NAV1: variants seen among roughly 807,000 people sequenced by gnomAD.
NAV1 encodes neuron navigator 1.
In NAV1, 18 loss-of-function variants were observed where a neutral mutation model predicts 175.2. That is an observed-to-expected ratio of 0.10 (90% CI 0.07 to 0.15). The LOEUF is 0.15. Among genes scored for constraint, NAV1 ranks in the 10% least tolerant of loss-of-function variants. The probability of loss-of-function intolerance (pLI) is 1.00; values close to 1 mark genes in which losing one functional copy is unlikely to be tolerated. For synonymous variants in NAV1, 897 were observed against 978.7 expected (o/e 0.92, Z 1.56); for missense variants, 1,731 against 2,436.6 (o/e 0.71, Z 6.10).
intron 15 of NAV1, among the ~76,000 whole-genome samples, chr1:201,803,215 C>T (rs1364234891): frequency 6.6e-6 from 1 of 152,092 alleles, no homozygotes; most frequent in East Asian, 1.9e-4. Context: ...AGTTCTTGGC[C>T]TTGGACCACC....
intron 3 of NAV1, among the ~76,000 whole-genome samples, chr1:201,763,182 A>G (rs181772932): frequency 9.8e-5 from 15 of 152,326 alleles, no homozygotes; most frequent in Admixed American, 4.6e-4. Flanking sequence ...CTTGATGTTC[A>G]AACTTTCTAA....
intron 1 of NAV1, among the ~76,000 whole-genome samples, chr1:201,689,871 C>A (rs1670833461): frequency 1.3e-5 from 2 of 152,234 alleles, no homozygotes; most frequent in African/African-American, 4.8e-5. Flanking sequence ...TGTCTATTTC[C>A]TCCATGGCCT....
Position 201,812,535 on chromosome 1 carries a change from G to A in NAV1, c.5095G>A (p.Val1699Ile). 9.9e-6 allele frequency: 16 copies of A among 1,614,190 alleles called. No homozygotes were observed. Among genetic ancestry groups the A allele is most frequent in the Non-Finnish European group, 1.3e-5 (15 of 1,180,032 alleles). ...GGTTCGTTACCTGAGGAGGAAGCTG[G>A]TAGAGTCAGACAGCGACATCAATGC... Residue 1699 changes from valine to isoleucine, a missense_variant, in exon 27 of 30, where the codon GTA (valine) becomes ATA (isoleucine). This residue lies in a region of NAV1 where 115 missense variants were observed against 269.4 expected (regional missense o/e 0.43). Coordinates refer to ENST00000367296, the Ensembl canonical transcript of NAV1. The surrounding 1 kb of genome is among the most constrained non-coding windows in gnomAD (Gnocchi z 4.6).
At chr1:201,794,339 AC>A (rs200164772) in intron 14 of NAV1, 126 bp from the exon 19 acceptor site, 22,617 of 800,072 alleles carry the variant, frequency 0.028, 641 homozygotes, top group South Asian at 0.093. Flanking sequence ...TTTAATGGAG[AC>A]CAGGTGGCCA....
chr1:201,655,396 T>C (rs557638873), intron 1 of NAV1, among the ~76,000 whole-genome samples: 2 of 152,330 alleles, frequency 1.3e-5, no homozygotes, highest in South Asian at 4.1e-4. Flanking sequence ...ATTACCCAGA[T>C]GTGTTTGATG....
chr1:201,549,983 C>A (rs1291104389), intron 1 of NAV1, among the ~76,000 whole-genome samples: 6 of 134,108 alleles, frequency 4.5e-5, no homozygotes, highest in Admixed American at 2.4e-4. Flanking sequence ...TGCACTCCAG[C>A]CTAGGCGACA....
intron 1 of NAV1, among the ~76,000 whole-genome samples, chr1:201,544,768 C>T (rs1291427472): frequency 6.6e-6 from 1 of 152,192 alleles, no homozygotes; most frequent in East Asian, 1.9e-4. Context: ...GAGTGTCAGC[C>T]TTTCAATATT....
At chr1:201,722,884 T>C (rs1218025159) in intron 3 of NAV1, among the ~76,000 whole-genome samples, 1 of 152,232 alleles carries the variant, frequency 6.6e-6, no homozygotes, top group Non-Finnish European at 1.5e-5. Context: ...GTTGGGTAGA[T>C]CACTTGAGGT....
At chr1:201,717,824 T>C (rs953432148) in intron 2 of NAV1, among the ~76,000 whole-genome samples, 1 of 152,224 alleles carries the variant, frequency 6.6e-6, no homozygotes, top group Non-Finnish European at 1.5e-5. Context: ...ATATATGATG[T>C]TTGGGAATCA....
intron 3 of NAV1, among the ~76,000 whole-genome samples, chr1:201,725,735 C>T (rs886227115): frequency 1.4e-4 from 21 of 151,744 alleles, no homozygotes; most frequent in African/African-American, 4.8e-4. Flanking sequence ...GAGAGAGGAT[C>T]GCTTGAGACC....
In NAV1 at chr1:201,819,970, G is replaced by A. The variant is rs541486381; in HGVS notation, c.*38G>A. ...CACTGTCACCCCCGGACAGCAGAAC[G>A]CTGGCATCAGCTATCTTAGCTCCTC... On this transcript the variant is annotated 3_prime_UTR_variant, in exon 30 of 30. Coordinates refer to ENST00000367296, the Ensembl canonical transcript of NAV1. 8.4e-5 allele frequency: 133 copies of A among 1,577,426 alleles called. No homozygotes were observed. In the South Asian group the frequency reaches 1.1e-3, roughly 14 times the overall value.
intron 3 of NAV1, among the ~76,000 whole-genome samples, chr1:201,726,522 C>A (rs1027613998): frequency 1.3e-5 from 2 of 151,894 alleles, no homozygotes; most frequent in African/African-American, 4.8e-5. Context: ...GTGGTGCACA[C>A]CTGTAATCCC....
chr1:201,735,246 G>C (rs537586881), intron 3 of NAV1, among the ~76,000 whole-genome samples: 7 of 152,338 alleles, frequency 4.6e-5, no homozygotes, highest in African/African-American at 1.4e-4. Context: ...CCTGCCCCAG[G>C]AATCAAGACA....
At chr1:201,692,776 G>GA (rs886976923) in intron 1 of NAV1, among the ~76,000 whole-genome samples, 2 of 152,268 alleles carry the variant, frequency 1.3e-5, no homozygotes, top group African/African-American at 4.8e-5. Context: ...AGAGAAGAAT[G>GA]AAAAGCATGG....
intron 2 of NAV1, among the ~76,000 whole-genome samples, chr1:201,597,576 C>T (rs757814296): frequency 7.9e-5 from 12 of 152,340 alleles, no homozygotes; most frequent in African/African-American, 1.7e-4. Context: ...CGTGCTCCAC[C>T]GGGCTGAGGG....
intron 3 of NAV1, among the ~76,000 whole-genome samples, chr1:201,737,133 C>T (rs1174811603): frequency 6.6e-6 from 1 of 152,184 alleles, no homozygotes. Flanking sequence ...TCACAAAAAA[C>T]TCCCAGACAA....
chr1:201,591,634 T>C (rs640668), intron 2 of NAV1, among the ~76,000 whole-genome samples: 14,868 of 152,234 alleles, frequency 0.098, 956 homozygotes, highest in African/African-American at 0.17. Context: ...GCTGGCTCTC[T>C]GGGTAGGAGA....
At chr1:201,712,957 T>C (rs1420472786) in intron 2 of NAV1, 38 bp downstream of exon 6, 2 of 1,475,900 alleles carry the variant, frequency 1.4e-6, no homozygotes, top group Non-Finnish European at 1.9e-6. Context: ...GCCCTCTGCC[T>C]TCCTGGCTCT....
At position 201,793,776 on chromosome 1, in the gene NAV1, T is replaced by A. The variant is rs1463983640; in HGVS notation, c.3322-16T>A. 6.2e-7 allele frequency: 1 copy of A among 1,612,334 alleles called. No individual in the cohort carries two copies. Among genetic ancestry groups the A allele is most frequent in the Admixed American group, 1.7e-5 (1 of 59,958 alleles). ...GCCTTATGCAACTTAGCAATCTCTT[T>A]CTGTGTTTGTTTCAGGCTAATCTGG... is the stretch of plus-strand genomic sequence containing the variant. On this transcript the variant is annotated splice_polypyrimidine_tract_variant and intron_variant, in intron 13 of 29. Transcript: ENST00000367296.
Sources: gnomAD v4.1 joint callset for allele counts (sites outside exome capture counted in the v4.1 genomes callset) on GRCh38, gnomAD v4.1.1 for gene constraint, gnomAD v4.1.1 regional missense constraint, Gnocchi (gnomAD v3.1) non-coding constraint, MANE v1.5 for transcripts, NCBI Gene and HGNC (gene_info 2026-07-23, HGNC 2026-07-21) for gene names.